SLX4: variants seen among roughly 807,000 people sequenced by gnomAD.
SLX4 encodes the protein SLX4 structure-specific endonuclease subunit, also known as structure-specific endonuclease subunit SLX4.
A neutral mutation model predicts 146.2 loss-of-function variants in SLX4; 112 were observed. That is an observed-to-expected ratio of 0.77 (90% CI 0.66 to 0.90). SLX4 has a LOEUF of 0.90. Among genes scored for constraint, SLX4 ranks in the 40% least tolerant of loss-of-function variants. The probability of loss-of-function intolerance (pLI) is 0.00; values close to 1 mark genes in which losing one functional copy is unlikely to be tolerated. For synonymous variants in SLX4, 1,061 were observed against 997.7 expected, an observed-to-expected ratio of 1.06 and a Z score of -1.20; for missense variants, 2,563 against 2,392.7, an observed-to-expected ratio of 1.07 and a Z score of -1.49.
At chr16:3,604,633 C>T (rs1317928358) in intron 3 of SLX4, among the ~76,000 whole-genome samples, 4 of 151,886 alleles carry the variant, frequency 2.6e-5, no homozygotes, top group East Asian at 3.9e-4. Context: ...ACAGCCTGGC[C>T]GGCATGGTGA....
chr16:3,594,714 C>T, intron 9 of SLX4, 115 bp from the exon 10 acceptor site: 2 of 1,403,728 alleles, frequency 1.4e-6, no homozygotes, highest in South Asian at 1.2e-5. Context: ...CCAGGACCTG[C>T]ATTCTCCTTT....
intron 10 of SLX4, 54 bp downstream of exon 10, chr16:3,594,398 AG>A (rs2040626881): frequency 5.1e-6 from 8 of 1,576,330 alleles, no homozygotes; most frequent in Non-Finnish European, 6.9e-6. Flanking sequence ...GGAGAAAGGC[AG>A]GAGGAGAGAG....
intron 3 of SLX4, among the ~76,000 whole-genome samples, chr16:3,604,575 C>T (rs184178197): frequency 6.6e-6 from 1 of 152,026 alleles, no homozygotes; most frequent in Non-Finnish European, 1.5e-5. Context: ...GTAATCCCAG[C>T]ACTTTGGGAG....
chr16:3,599,860 A>G (rs2040707057), intron 5 of SLX4, among the ~76,000 whole-genome samples: 1 of 152,216 alleles, frequency 6.6e-6, no homozygotes, highest in Non-Finnish European at 1.5e-5. Context: ...TATTGAGATT[A>G]CAGGTGTAAG....
intron 12 of SLX4, 117 bp downstream of exon 12, chr16:3,588,885 C>G: frequency 7.6e-7 from 1 of 1,317,602 alleles, no homozygotes; most frequent in Non-Finnish European, 1.1e-6. Context: ...AGTGTCATGC[C>G]TCAGGTCAGC....
At position 3,597,400 on chromosome 16, in the gene SLX4, G is replaced by A. The variant is rs375996119; in HGVS notation, c.1662C>T (p.Leu554=). The change falls in exon 7 of 15, where the codon CTC becomes CTT. Residue 554 remains leucine, a synonymous_variant. Transcript: ENST00000294008. The surrounding 1 kb of genome is among the most constrained non-coding windows in gnomAD (Gnocchi z 4.4). The part of the protein sequence containing the change: ...DFYTARLVPP[L]VPQRPAQGLM... Reference sequence around the variant, plus strand: ...TCACCTGGGCAGGCCGCTGGGGCACGAGAGGAGGGACCAGCCTGGCCGTGT... The same window carrying A: ...TCACCTGGGCAGGCCGCTGGGGCACAAGAGGAGGGACCAGCCTGGCCGTGT... The A allele has an allele frequency of 6.2e-5, 99 of 1,590,880 alleles. No homozygotes were observed. The highest frequency in any genetic ancestry group is 1.7e-4 in the Middle Eastern group (1 of 5,924).
rs746008018 is a variant in SLX4 at position 3,589,143 on chromosome 16, C to T, written c.4495G>A (p.Gly1499Arg). Residue 1499 changes from glycine to arginine, a missense_variant, in exon 12 of 15, where the codon GGG becomes AGG. Transcript: ENST00000294008. This position sits in a 1 kb window ranked among gnomAD's most constrained non-coding sequence, Gnocchi z 6.2. ...QEKSSGAGSL[G>R]NSRPSFLNSA... ...TTCAGAAAGCTCGGCCTGCTATTCC[C>T]CAGGGAGCCCGCGCCCGAGGACTTC... 6.2e-7 allele frequency: 1 copy of T among 1,614,134 alleles called. No homozygotes were observed. Among genetic ancestry groups the T allele is most frequent in the African/African-American group, 1.3e-5 (1 of 75,052 alleles).
Position 3,595,662 on chromosome 16 carries a change from C to A in SLX4, c.1956G>T (p.Leu652=). 1 of 1,614,088 alleles carries A rather than the reference C, an allele frequency of 6.2e-7. No homozygotes were observed. Among genetic ancestry groups the A allele is most frequent in the Non-Finnish European group, 8.5e-7 (1 of 1,180,034 alleles). The stretch of plus-strand genomic sequence containing the variant: ...CCTGCGATGGCACCACAAACCCAGT[C>A]AGAGGAAGGCCGCCGGGCACCACGT... ...GLDVVPGGLP[L]TGFVVPSQDK... is the part of the protein sequence containing the mutation. The change falls in exon 9 of 15, where the codon CTG becomes CTT. Residue 652 remains leucine, a synonymous_variant. Coordinates refer to ENST00000294008, the MANE Select transcript of SLX4 (RefSeq NM_032444.4).
At chr16:3,596,535 G>T in intron 7 of SLX4, 142 bp from the exon 8 acceptor site, 1 of 1,030,386 alleles carries the variant, frequency 9.7e-7, no homozygotes, top group South Asian at 1.7e-5. Flanking sequence ...TGTCCCCGGG[G>T]CTCCAGCCAC....
Position 3,601,018 on chromosome 16 carries a change from G to A in SLX4, c.1124C>T (p.Thr375Ile), listed in dbSNP as rs2151133971. The change falls in exon 5 of 15, where the codon ACA (threonine) becomes ATA (isoleucine). Residue 375 changes from threonine to isoleucine, a missense_variant. Thr to Ile is a moderately conservative substitution (Grantham distance 89). Transcript: ENST00000294008. ...GCTGCTGCTACCCTCAGGCTGTGCT[G>A]TCTGCAGCCGCACAGCCTGAAGCAG... The part of the protein sequence containing the change: ...QLLLQAVRLQ[T>I]AQPEGSSSPP... 2 of 1,613,864 alleles carry A rather than the reference G, an allele frequency of 1.2e-6. No individual in the cohort carries two copies. Among genetic ancestry groups the A allele is most frequent in the South Asian group, 1.1e-5 (1 of 91,080 alleles).
At chr16:3,585,110 C>T (rs775453309) in intron 12 of SLX4, among the ~76,000 whole-genome samples, 3 of 152,122 alleles carry the variant, frequency 2.0e-5, no homozygotes, top group African/African-American at 7.2e-5. Flanking sequence ...GTGAACAGAG[C>T]TCCTGGGGCC....
In SLX4 at chr16:3,601,003, C is replaced by T. The variant is rs1052888437; in HGVS notation, c.1139G>A (p.Gly380Asp). 1.2e-6 allele frequency: 2 copies of T among 1,613,782 alleles called. No individual in the cohort carries two copies. Among genetic ancestry groups the T allele is most frequent in the Admixed American group, 3.3e-5 (2 of 60,018 alleles). Residue 380 changes from glycine to aspartate, a missense_variant, in exon 5 of 15, where the codon GGT (glycine) becomes GAT (aspartate). Coordinates refer to ENST00000294008, the MANE Select transcript of SLX4 (RefSeq NM_032444.4). ...CCTGAACATGGGTGGGCTGCTGCTA[C>T]CCTCAGGCTGTGCTGTCTGCAGCCG... ...AVRLQTAQPE[G>D]SSSPPMFSFS...
intron 12 of SLX4, 82 bp downstream of exon 12, chr16:3,588,920 G>T: frequency 1.3e-6 from 2 of 1,566,026 alleles, no homozygotes; most frequent in Non-Finnish European, 1.8e-6. Context: ...CAGCCCCTGG[G>T]TCTCATGACT....
At chr16:3,606,354 C>T (rs2040782226) in intron 3 of SLX4, 120 bp downstream of exon 3, 4 of 1,102,372 alleles carry the variant, frequency 3.6e-6, no homozygotes, top group Non-Finnish European at 5.6e-6. Flanking sequence ...AAAGGTAAAA[C>T]ATCAAGCAGA....
intron 10 of SLX4, among the ~76,000 whole-genome samples, chr16:3,593,300 C>T (rs926475997): frequency 2.0e-5 from 3 of 152,208 alleles, no homozygotes; most frequent in African/African-American, 7.2e-5. Flanking sequence ...CTTGGAACTC[C>T]TGACCTCAGG....
chr16:3,586,006 A>G (rs900547831), intron 12 of SLX4, among the ~76,000 whole-genome samples: 12 of 151,974 alleles, frequency 7.9e-5, no homozygotes, highest in Non-Finnish European at 2.9e-5. Flanking sequence ...TTGTCTCAAA[A>G]CAATAACAAC....
Position 3,597,488 on chromosome 16 carries a change from C to T in SLX4, c.1574G>A (p.Arg525His), listed in dbSNP as rs756369289. 2.5e-5 allele frequency: 40 copies of T among 1,613,950 alleles called. No individual in the cohort carries two copies. The highest frequency in any genetic ancestry group is 6.7e-5 in the Admixed American group (4 of 59,998). ...GCCCTCCCACAGAAAGCTCTGCTTG[C>T]GTTCAGGTGGAGGAGGACACTGGCC... ...RAGQCPPPPE[R>H]KQSFLWEGSA... The change falls in exon 7 of 15, where the codon CGC becomes CAC. Residue 525 changes from arginine (R) to histidine (H), a missense_variant. Arg to His is a conservative substitution (Grantham distance 29). Coordinates refer to ENST00000294008, the MANE Select transcript of SLX4 (RefSeq NM_032444.4). The surrounding 1 kb of genome is among the most constrained non-coding windows in gnomAD (Gnocchi z 4.4).
At position 3,597,621 on chromosome 16, in the gene SLX4, G is replaced by C; in HGVS notation, c.1441C>G (p.Arg481Gly). ...AGGGCCACACGGTCCTCTATCTGTCGGCCTGTGGTTTCAGAGTCCTGGACT... is the reference window on the plus strand; with the variant it reads ...AGGGCCACACGGTCCTCTATCTGTCCGCCTGTGGTTTCAGAGTCCTGGACT... ...LLVQDSETTG[R>G]QIEDRVALLL... is the part of the protein sequence containing the mutation. The change falls in exon 7 of 15, where the codon CGA becomes GGA. Residue 481 changes from arginine to glycine, a missense_variant. By Grantham distance (125) the Arg-to-Gly change is moderately radical (BLOSUM62 -2). Coordinates refer to ENST00000294008, the MANE Select transcript of SLX4 (RefSeq NM_032444.4). The surrounding 1 kb of genome is among the most constrained non-coding windows in gnomAD (Gnocchi z 4.4). 3.1e-6 allele frequency: 5 copies of C among 1,614,084 alleles called. No homozygotes were observed. The highest frequency in any genetic ancestry group is 4.2e-6 in the Non-Finnish European group (5 of 1,180,024).
chr16:3,583,870 G>T (rs1049603955), intron 13 of SLX4, among the ~76,000 whole-genome samples: 2 of 152,060 alleles, frequency 1.3e-5, no homozygotes, highest in African/African-American at 4.8e-5. Flanking sequence ...AGGCGTGGTG[G>T]TGTCACCTGT....
Sources: allele counts gnomAD v4.1 joint callset (sites outside exome capture counted in the v4.1 genomes callset), GRCh38; gene constraint gnomAD v4.1.1; non-coding constraint Gnocchi (gnomAD v3.1); transcripts MANE v1.5; gene names NCBI Gene and HGNC (gene_info 2026-07-23, HGNC 2026-07-21).